RNF19B: variants seen among roughly 807,000 people sequenced by gnomAD.
The protein encoded by RNF19B is ring finger protein 19B.
A neutral mutation model predicts 65.5 loss-of-function variants in RNF19B; 23 were observed. The observed-to-expected ratio is 0.35, with a 90% CI of 0.25 to 0.50. RNF19B has a LOEUF of 0.50. Ranked by LOEUF, RNF19B falls within the 20% of genes least tolerant of loss-of-function variation. The pLI, the probability that RNF19B is intolerant of heterozygous loss-of-function variation, is 0.98. For missense variants in RNF19B, 794 were observed against 980.0 expected (o/e 0.81, Z 2.53); for synonymous variants, 372 against 379.6 (o/e 0.98, Z 0.23).
Position 32,964,724 on chromosome 1 carries a change from G to A in RNF19B, c.-39C>T, listed in dbSNP as rs1570136287. 2 of 1,377,352 alleles carry A rather than the reference G, an allele frequency of 1.5e-6. No individual in the cohort carries two copies. The highest frequency in any genetic ancestry group is 1.9e-6 in the Non-Finnish European group (2 of 1,069,866). 85.3% of individuals were successfully genotyped at this position (1,377,352 alleles called of 1,614,324 possible). A position where few individuals can be genotyped will look rare whatever the true frequency, so the allele number is the denominator to read the frequency against. On this transcript the variant is annotated 5_prime_UTR_variant, in exon 1 of 9. Transcript: ENST00000235150. This position sits in a 1 kb window ranked among gnomAD's most constrained non-coding sequence, Gnocchi z 6.5. Reference sequence around the variant, plus strand: ...CGAGGAGCCAGGGGCGCCCAGCGCCGCCACAGCTCCCGCCTCAGCGCCCCT... The same window carrying A: ...CGAGGAGCCAGGGGCGCCCAGCGCCACCACAGCTCCCGCCTCAGCGCCCCT...
At chr1:32,947,439 C>A (rs973044936) in intron 3 of RNF19B, among the ~76,000 whole-genome samples, 1 of 152,162 alleles carries the variant, frequency 6.6e-6, no homozygotes, top group African/African-American at 2.4e-5. Flanking sequence ...GCAGGCGGAC[C>A]ACCTGAGGTT....
downstream of RNF19B, among the ~76,000 whole-genome samples, chr1:32,932,853 T>C (rs1431125237): frequency 6.6e-6 from 1 of 152,242 alleles, no homozygotes. Context: ...CTCTATACTA[T>C]GCTTTTTTGG....
intron 1 of RNF19B, among the ~76,000 whole-genome samples, chr1:32,955,595 G>A (rs531991387): frequency 9.8e-4 from 149 of 151,844 alleles, no homozygotes; most frequent in African/African-American, 3.4e-3. Flanking sequence ...AATTAGCTAG[G>A]CGTGGTGGTG....
rs977005986 is a variant in RNF19B, at chr1:32,943,942, G to A, written c.1402+77C>T. The A allele has an allele frequency of 1.5e-5, 22 of 1,435,098 alleles. No homozygotes were observed. The African/African-American group carries it at 3.1e-4, about 20-fold the overall frequency. The allele number at this position is 1,435,098 out of a possible 1,614,324, so 88.9% of individuals were successfully genotyped here. A position where few individuals can be genotyped will look rare whatever the true frequency, so the allele number is the denominator to read the frequency against. ...AAAGTAATCCAATGACAATCTCCCTGTAAAATGCGCTGAATTTTACTGATT... is the reference window on the plus strand; with the variant it reads ...AAAGTAATCCAATGACAATCTCCCTATAAAATGCGCTGAATTTTACTGATT... On this transcript the variant is annotated intron_variant, in intron 6 of 8. Transcript: ENST00000235150.
intron 1 of RNF19B, among the ~76,000 whole-genome samples, chr1:32,954,139 G>C (rs1413832625): frequency 6.6e-6 from 1 of 150,484 alleles, no homozygotes; most frequent in Non-Finnish European, 1.5e-5. Context: ...TCGAACTCCT[G>C]GCCTTCAAGT....
In RNF19B at chr1:32,945,636, T is replaced by A. The variant is rs761589664; in HGVS notation, c.1147-8A>T. 1 of 1,563,172 alleles carries A rather than the reference T, an allele frequency of 6.4e-7. No homozygotes were observed. The highest frequency in any genetic ancestry group is 8.8e-7 in the Non-Finnish European group (1 of 1,134,786). On this transcript the variant is annotated splice_region_variant and splice_polypyrimidine_tract_variant and intron_variant, in intron 4 of 8. Transcript: ENST00000235150. ...CTCATACCTGCTGTGAATCTAAGAATAAAAAAAGAAAATCCAGGTCAGCAG... is the reference window on the plus strand; with the variant it reads ...CTCATACCTGCTGTGAATCTAAGAAAAAAAAAAGAAAATCCAGGTCAGCAG...
At chr1:32,951,265 T>C (rs550989415) in intron 1 of RNF19B, among the ~76,000 whole-genome samples, 1 of 152,376 alleles carries the variant, frequency 6.6e-6, no homozygotes, top group African/African-American at 2.4e-5. Flanking sequence ...GTTACTCTAT[T>C]TACATCTGGG....
chr1:32,938,533 G>T lies in RNF19B; in HGVS notation c.1611-5C>A. The stretch of plus-strand genomic sequence containing the variant: ...ACATCGGCTTGAACTTCTAACCTGT[G>T]TAAAGAGGGGACGTTCAAGTTAATA... On this transcript the variant is annotated splice_polypyrimidine_tract_variant and splice_region_variant and intron_variant, in intron 7 of 8. Transcript: ENST00000235150. 3.1e-6 allele frequency: 5 copies of T among 1,613,590 alleles called. No homozygotes were observed. The highest frequency in any genetic ancestry group is 4.2e-6 in the Non-Finnish European group (5 of 1,179,596).
chr1:32,944,189 G>T, intron 5 of RNF19B, 30 bp from the exon 6 acceptor site: 1 of 1,589,834 alleles, frequency 6.3e-7, no homozygotes, highest in Admixed American at 1.8e-5. Context: ...CATGTCAGCT[G>T]GCTATTAGGT....
Position 32,946,384 on chromosome 1 carries a change from C to T in RNF19B, c.1146+18G>A. 6.2e-7 allele frequency: 1 copy of T among 1,611,108 alleles called. No individual in the cohort carries two copies. ...CCTAAAGTTGAAACAAGCACAGAAACCAGCATGTCTTTCTTACCTTCCTTC... is the reference window on the plus strand; with the variant it reads ...CCTAAAGTTGAAACAAGCACAGAAATCAGCATGTCTTTCTTACCTTCCTTC... On this transcript the variant is annotated intron_variant, in intron 4 of 8. Coordinates refer to ENST00000235150, the MANE Select transcript of RNF19B (RefSeq NM_001300826.2).
Position 32,942,020 on chromosome 1 carries a change from C to T in RNF19B, c.1610+232G>A, listed in dbSNP as rs61800889. Among the ~76,000 whole-genome samples the T allele has an allele frequency of 5.9e-5, 9 of 152,216 alleles. No individual in the cohort carries two copies. In the South Asian group the frequency reaches 1.0e-3, roughly 18 times the overall value. Reference sequence around the variant, plus strand: ...GCTGAGGCAGGAGAATCGCTTGAACCCAGGAGGCGGAGCTTGCAGTGAGCC... The same window carrying T: ...GCTGAGGCAGGAGAATCGCTTGAACTCAGGAGGCGGAGCTTGCAGTGAGCC... On this transcript the variant is annotated intron_variant, in intron 7 of 8. Coordinates refer to ENST00000235150, the MANE Select transcript of RNF19B (RefSeq NM_001300826.2).
intron 4 of RNF19B, among the ~76,000 whole-genome samples, chr1:32,946,141 G>A (rs988242594): frequency 3.9e-4 from 59 of 152,148 alleles, no homozygotes; most frequent in African/African-American, 1.4e-3. Flanking sequence ...GCTAGGCCAC[G>A]TATTACAAAT....
Position 32,964,037 on chromosome 1 carries a change from G to GC in RNF19B, c.635+13dup. The GC allele has an allele frequency of 7.0e-7, 1 of 1,427,284 alleles. No individual in the cohort carries two copies. Among genetic ancestry groups the GC allele is most frequent in the South Asian group, 1.5e-5 (1 of 65,520 alleles). 88.4% of individuals were successfully genotyped at this position (1,427,284 alleles called of 1,614,324 possible). The stretch of plus-strand genomic sequence containing the variant: ...TGCAGCCCGCCGCCACCCGCGCCAC[G>GC]CCCCCGCGCTCACCCGCAGTCCGGG... On this transcript the variant is annotated intron_variant, in intron 1 of 8. Transcript: ENST00000235150. The surrounding 1 kb of genome is among the most constrained non-coding windows in gnomAD (Gnocchi z 6.5).
chr1:32,934,227 A>ATGG (rs1642062398), downstream of RNF19B, among the ~76,000 whole-genome samples: 2 of 152,238 alleles, frequency 1.3e-5, no homozygotes, highest in Non-Finnish European at 2.9e-5. Flanking sequence ...TGTTGTCCAG[A>ATGG]CTTGCCATCC....
chr1:32,948,429 G>A (rs1282699648), intron 2 of RNF19B, 66 bp from the exon 3 acceptor site: 4 of 1,518,018 alleles, frequency 2.6e-6, no homozygotes, highest in Non-Finnish European at 3.6e-6. Flanking sequence ...TGATTTAATT[G>A]TTCCTAGGAG....
rs751655079 is a variant in RNF19B, at chr1:32,936,860, G to A, written c.2142C>T (p.Ala714=). The A allele has an allele frequency of 6.2e-7, 1 of 1,609,094 alleles. No individual in the cohort carries two copies. The highest frequency in any genetic ancestry group is 2.2e-5 in the East Asian group (1 of 44,774). ...PSPSAHMNLS[A]LAEGQTVLKP... is the part of the protein sequence containing the mutation. ...TCAAGACAGTTTGTCCCTCGGCTAG[G>A]GCAGAGAGGTTCATATGGGCACTTG... Residue 714 remains alanine (A), a synonymous_variant, in exon 9 of 9, where the codon GCC becomes GCT. Transcript: ENST00000235150.
chr1:32,942,059 G>C (rs907261046), intron 7 of RNF19B, among the ~76,000 whole-genome samples, 193 bp downstream of exon 7: 8 of 151,932 alleles, frequency 5.3e-5, no homozygotes, highest in African/African-American at 1.7e-4. Flanking sequence ...ATCACGCCAT[G>C]GCACTCCAGC....
intron 1 of RNF19B, among the ~76,000 whole-genome samples, chr1:32,951,830 C>T (rs902983506): frequency 1.3e-5 from 2 of 151,530 alleles, no homozygotes; most frequent in African/African-American, 4.9e-5. Flanking sequence ...CAGAGTCTCA[C>T]TATATCGCCC....
chr1:32,936,655 A>C lies in RNF19B; in HGVS notation c.*151T>G, dbSNP rs1469223308. On this transcript the variant is annotated 3_prime_UTR_variant, in exon 9 of 9. Transcript: ENST00000235150. ...ATGTTTTATCTGGTAAGAAATTGTG[A>C]ATTTCTCAGAATTTCCCTGGGCAAA... 7 of 781,596 alleles carry C rather than the reference A, an allele frequency of 9.0e-6. No homozygotes were observed. Among genetic ancestry groups the C allele is most frequent in the Non-Finnish European group, 1.3e-5 (7 of 530,926 alleles). 48.4% of individuals were successfully genotyped at this position (781,596 alleles called of 1,614,324 possible).
Sources: gnomAD v4.1 joint callset for allele counts (sites outside exome capture counted in the v4.1 genomes callset) on GRCh38, gnomAD v4.1.1 for gene constraint, Gnocchi (gnomAD v3.1) non-coding constraint, MANE v1.5 for transcripts, NCBI Gene and HGNC (gene_info 2026-07-23, HGNC 2026-07-21) for gene names.